KDR: variants seen among roughly 807,000 people sequenced by gnomAD.
KDR encodes the protein vascular endothelial growth factor receptor 2.
KDR carries 43 observed loss-of-function variants against 160.9 expected under a neutral mutation model. The observed-to-expected ratio is 0.27, with a 90% confidence interval of 0.21 to 0.34. KDR has a LOEUF of 0.34. KDR is among the 10% of genes least tolerant of loss of function. The pLI is 1.00. For missense variants in KDR, 1,469 were observed against 1,666.4 expected, an observed-to-expected ratio of 0.88 and a Z score of 2.06; for synonymous variants, 617 against 600.1, an observed-to-expected ratio of 1.03 and a Z score of -0.41.
rs1375019762 is a variant in KDR, at chr4:55,080,103, G to A, written c.3909C>T (p.Ser1303=). The part of the protein sequence containing the change: ...SVASEGSNQT[S]GYQSGYHSDD... Reference sequence around the variant, plus strand: ...CGGAGTGATATCCGGACTGGTAGCCGCTTGTCTGGTTTGAGCCTTCAGATG... The same window carrying A: ...CGGAGTGATATCCGGACTGGTAGCCACTTGTCTGGTTTGAGCCTTCAGATG... The change falls in exon 30 of 30, where the codon AGC becomes AGT. Residue 1303 remains serine, a synonymous_variant. Coordinates refer to ENST00000263923, the MANE Select transcript of KDR (RefSeq NM_002253.4). The A allele has an allele frequency of 3.7e-6, 6 of 1,613,994 alleles. No homozygotes were observed. Among genetic ancestry groups the A allele is most frequent in the Admixed American group, 1.7e-5 (1 of 60,018 alleles).
intron 27 of KDR, among the ~76,000 whole-genome samples, chr4:55,087,280 G>T (rs939756320): frequency 1.3e-5 from 2 of 152,160 alleles, no homozygotes; most frequent in African/African-American, 4.8e-5. Context: ...AAGCATACAC[G>T]GGGATAATTT....
intron 3 of KDR, 63 bp downstream of exon 3, chr4:55,118,541 G>A (rs1464478649): frequency 1.6e-6 from 2 of 1,286,176 alleles, no homozygotes; most frequent in African/African-American, 2.9e-5. Context: ...ATTCTTCTTT[G>A]AGCCTATTGT....
chr4:55,104,588 T>C (rs754087083), intron 13 of KDR, 55 bp downstream of exon 13: 1 of 1,382,208 alleles, frequency 7.2e-7, no homozygotes, highest in Non-Finnish European at 1.0e-6. Context: ...TGAATTGCAC[T>C]ACATTTAAGG....
intron 9 of KDR, among the ~76,000 whole-genome samples, chr4:55,109,674 G>A (rs1305694045): frequency 1.3e-5 from 2 of 151,986 alleles, no homozygotes; most frequent in East Asian, 3.9e-4. Context: ...ATATACATTA[G>A]CATATAAAAG....
chr4:55,103,418 T>A (rs773979132), intron 13 of KDR, among the ~76,000 whole-genome samples: 9 of 152,154 alleles, frequency 5.9e-5, no homozygotes, highest in Non-Finnish European at 1.0e-4. Flanking sequence ...AAGAATAGGT[T>A]TTAGGAAAAC....
At chr4:55,110,366 T>TA in intron 9 of KDR, 37 bp downstream of exon 9, 1 of 1,604,032 alleles carries the variant, frequency 6.2e-7, no homozygotes, top group Middle Eastern at 1.7e-4. Flanking sequence ...TGTATCATAA[T>TA]AAATCTTGGG....
chr4:55,121,330 A>G (rs890430904), intron 1 of KDR, 140 bp from the exon 2 acceptor site: 4 of 675,308 alleles, frequency 5.9e-6, no homozygotes, highest in East Asian at 2.7e-5. Flanking sequence ...TTTACTTTTC[A>G]CCATTCTCAG....
Position 55,088,910 on chromosome 4 carries a change from C to T in KDR, c.3468G>A (p.Leu1156=), listed in dbSNP as rs1191844464. The T allele has an allele frequency of 6.2e-7, 1 of 1,614,124 alleles. No individual in the cohort carries two copies. Among genetic ancestry groups the T allele is most frequent in the South Asian group, 1.1e-5 (1 of 91,078 alleles). ...EPSQRPTFSE[L]VEHLGNLLQA... ...GCAAGAGATTTCCCAAATGTTCCAC[C>T]AACTCTGAAAACGTGGGTCTCTGAC... Residue 1156 remains leucine (L), a synonymous_variant, in exon 26 of 30, where the codon TTG becomes TTA. Coordinates refer to ENST00000263923, the MANE Select transcript of KDR (RefSeq NM_002253.4).
At chr4:55,115,259 G>T (rs1202582003) in intron 4 of KDR, 22 bp downstream of exon 4, 2 of 1,589,354 alleles carry the variant, frequency 1.3e-6, no homozygotes, top group African/African-American at 1.3e-5. Context: ...CTTAAGAGAC[G>T]ATTGGAGGAG....
intron 27 of KDR, among the ~76,000 whole-genome samples, chr4:55,083,992 C>T (rs747886101): frequency 9.2e-5 from 14 of 152,182 alleles, no homozygotes; most frequent in Non-Finnish European, 1.9e-4. Context: ...TCAGGAAGCC[C>T]TCACTGATAA....
At position 55,106,766 on chromosome 4, in the gene KDR, C is replaced by T; in HGVS notation, c.1457G>A (p.Arg486Lys). The T allele has an allele frequency of 6.2e-7, 1 of 1,600,248 alleles. No homozygotes were observed. The highest frequency in any genetic ancestry group is 8.6e-7 in the Non-Finnish European group (1 of 1,167,330). ...VTNPYPCEEW[R>K]SVEDFQGGNK... Reference sequence around the variant, plus strand: ...TCCTCCCTGGAAGTCCTCCACACTTCTCCATTCTTCACAAGGGTATGGGTT... The same window carrying T: ...TCCTCCCTGGAAGTCCTCCACACTTTTCCATTCTTCACAAGGGTATGGGTT... Residue 486 changes from arginine to lysine, a missense_variant, in exon 11 of 30, where the codon AGA becomes AAA. Physicochemically the swap from Arg to Lys is conservative, Grantham distance 26. Around this residue, in one of 7 missense-constraint regions of KDR, gnomAD observed 792 missense variants for 840.9 expected, o/e 0.94. Coordinates refer to ENST00000263923, the MANE Select transcript of KDR (RefSeq NM_002253.4).
At chr4:55,085,477 G>C (rs760616186) in intron 27 of KDR, among the ~76,000 whole-genome samples, 1 of 152,274 alleles carries the variant, frequency 6.6e-6, no homozygotes, top group Middle Eastern at 3.4e-3. Context: ...TAAGAGGATA[G>C]AACAAGCTCC....
intron 13 of KDR, 143 bp downstream of exon 13, chr4:55,104,500 C>T: frequency 1.4e-6 from 1 of 715,188 alleles, no homozygotes; most frequent in Non-Finnish European, 2.5e-6. Flanking sequence ...TTCTTTCTTC[C>T]TCAAGGACTT....
Position 55,094,725 on chromosome 4 carries a change from A to T in KDR, c.2971+77T>A, listed in dbSNP as rs1329928885. On this transcript the variant is annotated intron_variant, in intron 21 of 29. Coordinates refer to ENST00000263923, the MANE Select transcript of KDR (RefSeq NM_002253.4). The stretch of plus-strand genomic sequence containing the variant: ...TAGTATTGGACTTTTCCCATGATCA[A>T]ATTCCTTGTAACACCCTATCACCCT... The T allele has an allele frequency of 2.2e-6, 3 of 1,381,078 alleles. No individual in the cohort carries two copies. In the East Asian group the frequency reaches 6.9e-5, roughly 32 times the overall value. The allele number at this position is 1,381,078 out of a possible 1,614,324, so 85.6% of individuals were successfully genotyped here. A position where few individuals can be genotyped will look rare whatever the true frequency, so the allele number is the denominator to read the frequency against.
At position 55,110,533 on chromosome 4, in the gene KDR, G is replaced by A. The variant is rs1264806644; in HGVS notation, c.1125C>T (p.His375=). Residue 375 remains histidine, a synonymous_variant, in exon 9 of 30, where the codon CAC becomes CAT. Transcript: ENST00000263923. ...YKNGIPLESN[H]TIKAGHVLTI... is the part of the protein sequence containing the mutation. ...TCAGTACATGCCCCGCTTTAATTGT[G>A]TGATTGGACTCAAGGGGTATTCCAT... 13 of 1,613,882 alleles carry A rather than the reference G, an allele frequency of 8.1e-6. No homozygotes were observed. Among genetic ancestry groups the A allele is most frequent in the Non-Finnish European group, 1.1e-5 (13 of 1,179,922 alleles).
chr4:55,120,565 T>C (rs1720844303), intron 2 of KDR, among the ~76,000 whole-genome samples: 1 of 152,202 alleles, frequency 6.6e-6, no homozygotes, highest in Admixed American at 6.5e-5. Context: ...ATGTAGATCA[T>C]GCGCTCAGTA....
chr4:55,107,918 GA>G, intron 9 of KDR, 25 bp from the exon 10 acceptor site: 2 of 1,613,122 alleles, frequency 1.2e-6, no homozygotes, highest in Middle Eastern at 3.3e-4. Context: ...AACAACTTTT[GA>G]ATTGTCAGTC....
chr4:55,106,956 T>A, intron 10 of KDR, 146 bp from the exon 11 acceptor site: 1 of 728,064 alleles, frequency 1.4e-6, no homozygotes, highest in Non-Finnish European at 2.4e-6. Flanking sequence ...TTGGCGCCAA[T>A]TAAAAATAGG....
In KDR at chr4:55,102,262, C is replaced by T. The variant is rs575065828; in HGVS notation, c.2134+100G>A. ...ATGAGCCAGGTCATGGACACCAATACTGCTTTTTTTCTACATTACATCAAG... is the reference window on the plus strand; with the variant it reads ...ATGAGCCAGGTCATGGACACCAATATTGCTTTTTTTCTACATTACATCAAG... On this transcript the variant is annotated intron_variant, in intron 14 of 29. Coordinates refer to ENST00000263923, the MANE Select transcript of KDR (RefSeq NM_002253.4). The T allele has an allele frequency of 1.7e-5, 24 of 1,429,534 alleles. No individual in the cohort carries two copies. In the Admixed American group the frequency reaches 3.4e-4, roughly 20 times the overall value. The allele number at this position is 1,429,534 out of a possible 1,614,324, so 88.6% of individuals were successfully genotyped here. A position where few individuals can be genotyped will look rare whatever the true frequency, so the allele number is the denominator to read the frequency against.
Sources: gnomAD v4.1 joint callset for allele counts (sites outside exome capture counted in the v4.1 genomes callset) on GRCh38, gnomAD v4.1.1 for gene constraint, gnomAD v4.1.1 regional missense constraint, MANE v1.5 for transcripts, NCBI Gene and HGNC (gene_info 2026-07-23, HGNC 2026-07-21) for gene names.